ARID4A: variants seen among roughly 807,000 people sequenced by gnomAD.
The protein encoded by ARID4A is AT-rich interactive domain-containing protein 4A.
ARID4A carries 39 observed loss-of-function variants against 148.6 expected under a neutral mutation model. The observed-to-expected ratio is 0.26, with a 90% CI of 0.20 to 0.34. ARID4A has a LOEUF of 0.34. Among genes scored for constraint, ARID4A ranks in the 10% least tolerant of loss-of-function variants. The probability of loss-of-function intolerance (pLI) is 1.00; values close to 1 mark genes in which losing one functional copy is unlikely to be tolerated. For missense variants in ARID4A, 1,265 were observed against 1,449.1 expected, an observed-to-expected ratio of 0.87 and a Z score of 2.06; for synonymous variants, 475 against 481.2, an observed-to-expected ratio of 0.99 and a Z score of 0.17.
intron 17 of ARID4A, among the ~76,000 whole-genome samples, chr14:58,356,167 A>G (rs866774038): frequency 1.3e-5 from 2 of 152,164 alleles, no homozygotes; most frequent in African/African-American, 2.4e-5. Flanking sequence ...TTTGTTAGCA[A>G]TATTAGTGCT....
In ARID4A at chr14:58,373,640, TTTC is replaced by T. The variant is rs2035693161; in HGVS notation, c.*1653_*1655del. 5.7e-6 allele frequency: 1 copy of T among 175,874 alleles called. No individual in the cohort carries two copies. Among genetic ancestry groups the T allele is most frequent in the South Asian group, 2.0e-4 (1 of 5,034 alleles). The allele number at this position is 175,874 out of a possible 1,614,324, so 10.9% of individuals were successfully genotyped here. On this transcript the variant is annotated 3_prime_UTR_variant, in exon 24 of 24. Transcript: ENST00000355431. ...AAAAAGTACTCTTGTAAAATGCACTTTTCTGTCTTTTCTTTGCAAAGCAGAAGT... is the reference window on the plus strand; with the variant it reads ...AAAAAGTACTCTTGTAAAATGCACTTTGTCTTTTCTTTGCAAAGCAGAAGT...
chr14:58,303,095 A>G (rs1319361977), intron 3 of ARID4A, among the ~76,000 whole-genome samples: 3 of 152,048 alleles, frequency 2.0e-5, no homozygotes, highest in Admixed American at 2.0e-4. Context: ...TCCTATGCTT[A>G]TTATAAACAT....
intron 5 of ARID4A, among the ~76,000 whole-genome samples, chr14:58,310,715 A>T (rs2140145347): frequency 7.1e-6 from 1 of 140,870 alleles, no homozygotes; most frequent in Admixed American, 7.2e-5. Context: ...CCGGGCATTG[A>T]TTTTTTTTTT....
intron 5 of ARID4A, among the ~76,000 whole-genome samples, chr14:58,318,240 T>G (rs989494014): frequency 6.6e-6 from 1 of 152,176 alleles, no homozygotes; most frequent in Non-Finnish European, 1.5e-5. Context: ...TGCAGTTAAT[T>G]TAATATTTAT....
intron 11 of ARID4A, among the ~76,000 whole-genome samples, chr14:58,334,238 G>GTAC (rs1566693511): frequency 6.6e-6 from 1 of 152,066 alleles, no homozygotes; most frequent in East Asian, 1.9e-4. Context: ...TAGTTGACTT[G>GTAC]TACTAAAAAT....
chr14:58,362,594 G>T (rs1594962062), intron 19 of ARID4A, among the ~76,000 whole-genome samples: 1 of 152,030 alleles, frequency 6.6e-6, no homozygotes, highest in African/African-American at 2.4e-5. Flanking sequence ...ACCTCACTCT[G>T]TTGCCCAGGC....
chr14:58,319,856 T>C (rs967285390), intron 7 of ARID4A, among the ~76,000 whole-genome samples: 33 of 151,794 alleles, frequency 2.2e-4, no homozygotes, highest in Non-Finnish European at 4.4e-5. Flanking sequence ...CTAATGTCTA[T>C]ATACTCTTTA....
chr14:58,318,217 ATTC>A (rs1280855697), intron 5 of ARID4A, among the ~76,000 whole-genome samples: 6 of 152,256 alleles, frequency 3.9e-5, no homozygotes, highest in African/African-American at 1.2e-4. Context: ...GTTTTTGTTC[ATTC>A]TTCTAGGATT....
intron 8 of ARID4A, among the ~76,000 whole-genome samples, chr14:58,324,207 C>G (rs2033091285): frequency 6.6e-6 from 1 of 152,122 alleles, no homozygotes. Context: ...CTGGCCTTAA[C>G]TTGATTCTTG....
chr14:58,313,693 G>C (rs2032209272), intron 5 of ARID4A, among the ~76,000 whole-genome samples: 1 of 152,148 alleles, frequency 6.6e-6, no homozygotes, highest in Non-Finnish European at 1.5e-5. Context: ...TTAGAACCAG[G>C]GAAGCTGAGG....
intron 5 of ARID4A, among the ~76,000 whole-genome samples, chr14:58,317,611 C>G (rs1017880277): frequency 1.4e-5 from 2 of 138,972 alleles, no homozygotes; most frequent in South Asian, 4.7e-4. Flanking sequence ...TTTAAAAAAA[C>G]CTTTATATTT....
chr14:58,359,802 C>G (rs779203691), intron 18 of ARID4A, among the ~76,000 whole-genome samples: 1 of 152,170 alleles, frequency 6.6e-6, no homozygotes, highest in Admixed American at 6.5e-5. Flanking sequence ...CATGGTGGCT[C>G]ATGCCTGTAA....
At chr14:58,300,986 T>C (rs1464640703) in intron 2 of ARID4A, among the ~76,000 whole-genome samples, 2 of 152,220 alleles carry the variant, frequency 1.3e-5, no homozygotes, top group African/African-American at 4.8e-5. Flanking sequence ...AGAAGATTAG[T>C]GTGGTAAACT....
rs769702208 is a variant in ARID4A at position 58,347,133 on chromosome 14, T to G, written c.1172+16T>G. 1 of 1,313,144 alleles carries G rather than the reference T, an allele frequency of 7.6e-7. No individual in the cohort carries two copies. Among genetic ancestry groups the G allele is most frequent in the Non-Finnish European group, 1.1e-6 (1 of 946,100 alleles). 81.3% of individuals were successfully genotyped at this position (1,313,144 alleles called of 1,614,324 possible). A position where few individuals can be genotyped will look rare whatever the true frequency, so the allele number is the denominator to read the frequency against. On this transcript the variant is annotated intron_variant, in intron 14 of 23. Transcript: ENST00000355431. ...CTTATAGAAAGTAAGTAGTATAGTT[T>G]ATTCATCAAAGAATATATATTTATA...
chr14:58,310,988 G>C (rs1371427279), intron 5 of ARID4A, among the ~76,000 whole-genome samples: 2 of 152,182 alleles, frequency 1.3e-5, no homozygotes, highest in Non-Finnish European at 2.9e-5. Flanking sequence ...GCTCACGCCT[G>C]TAATCCCAGC....
Position 58,325,432 on chromosome 14 carries a change from C to T in ARID4A, c.582+1815C>T, listed in dbSNP as rs997334713. 3.9e-5 allele frequency among the ~76,000 whole-genome samples: 6 copies of T among 152,006 alleles called. No homozygotes were observed. The East Asian group carries it at 9.7e-4, about 25-fold the overall frequency. ...TGAGTAGCTTGGGACCACAGGTGTA[C>T]ATCACCACACCTGGCTAATTTTTGT... is the stretch of plus-strand genomic sequence containing the variant. On this transcript the variant is annotated intron_variant, in intron 8 of 23. Coordinates refer to ENST00000355431, the MANE Select transcript of ARID4A (RefSeq NM_002892.4).
chr14:58,319,946 T>C (rs2032748823), intron 7 of ARID4A, among the ~76,000 whole-genome samples: 1 of 149,648 alleles, frequency 6.7e-6, no homozygotes, highest in Non-Finnish European at 1.5e-5. Context: ...TTTTTTTCTT[T>C]TCTTTTTTTT....
chr14:58,327,276 T>C (rs1391903909), intron 8 of ARID4A, among the ~76,000 whole-genome samples: 1 of 152,196 alleles, frequency 6.6e-6, no homozygotes, highest in Non-Finnish European at 1.5e-5. Context: ...GGTCTGTGAA[T>C]GGTGCTGGAA....
intron 1 of ARID4A, among the ~76,000 whole-genome samples, chr14:58,299,001 G>A (rs768672368): frequency 3.3e-5 from 5 of 152,170 alleles, no homozygotes; most frequent in Non-Finnish European, 5.9e-5. Context: ...GGCTGCTTGG[G>A]GGAGCCGTCC....
Sources: allele counts gnomAD v4.1 joint callset (sites outside exome capture counted in the v4.1 genomes callset), GRCh38; gene constraint gnomAD v4.1.1; transcripts MANE v1.5; gene names NCBI Gene and HGNC (gene_info 2026-07-23, HGNC 2026-07-21).